The following CPE variants were observed in gnomAD, a reference collection of about 807,000 sequenced individuals.
CPE encodes the protein carboxypeptidase E.
A neutral mutation model predicts 53.5 loss-of-function variants in CPE; 17 were observed. That is an observed-to-expected ratio of 0.32 (90% CI 0.22 to 0.48). The LOEUF is 0.48. CPE is among the 20% of genes least tolerant of loss of function. The pLI is 0.99. For synonymous variants in CPE, 226 were observed against 228.8 expected (o/e 0.99, Z 0.11); for missense variants, 524 against 614.7 (o/e 0.85, Z 1.56).
At chr4:165,381,698 C>T (rs150728614) in intron 1 of CPE, among the ~76,000 whole-genome samples, 225 of 152,126 alleles carry the variant, frequency 1.5e-3, no homozygotes, top group African/African-American at 5.2e-3. Context: ...CTTTTATGAG[C>T]GTCAAGGAGG....
chr4:165,494,727 A>G (rs574039146), intron 7 of CPE, among the ~76,000 whole-genome samples: 2 of 152,346 alleles, frequency 1.3e-5, no homozygotes, highest in African/African-American at 2.4e-5. Context: ...CAAAAAGACA[A>G]TTGAGGCACT....
intron 6 of CPE, among the ~76,000 whole-genome samples, chr4:165,487,915 A>G (rs1439875950): frequency 6.6e-6 from 1 of 152,168 alleles, no homozygotes; most frequent in Non-Finnish European, 1.5e-5. Flanking sequence ...AAAGTAAGGC[A>G]AGCGAGGCAC....
At chr4:165,464,195 T>C (rs76636163) in intron 1 of CPE, among the ~76,000 whole-genome samples, 195 bp from the exon 2 acceptor site, 4,098 of 152,192 alleles carry the variant, frequency 0.027, 185 homozygotes, top group African/African-American at 0.094. Context: ...GTTCAGTCCA[T>C]AACAGGTGGG....
intron 3 of CPE, among the ~76,000 whole-genome samples, chr4:165,471,667 G>T (rs1732208879): frequency 6.6e-6 from 1 of 152,196 alleles, no homozygotes; most frequent in Admixed American, 6.5e-5. Flanking sequence ...ATACCTGTAT[G>T]AATTGGGTAA....
intron 1 of CPE, among the ~76,000 whole-genome samples, chr4:165,397,215 C>T (rs1730782559): frequency 6.6e-6 from 1 of 152,088 alleles, no homozygotes; most frequent in Non-Finnish European, 1.5e-5. Flanking sequence ...TATGAATGTA[C>T]TATATATTAT....
intron 1 of CPE, chr4:165,406,257 C>T (rs2126664870): frequency 1.6e-6 from 1 of 642,746 alleles, no homozygotes; most frequent in African/African-American, 1.8e-5. Context: ...AGCAAAGGAC[C>T]CTGTAAAATT....
chr4:165,420,277 T>A lies in CPE; in HGVS notation c.307+40749T>A, dbSNP rs183063021. ...TATAAATCTGAGAAAAAGTGAATGTTTTATAACTTTTGTTTCTCAGAAAAT... is the reference window on the plus strand; with the variant it reads ...TATAAATCTGAGAAAAAGTGAATGTATTATAACTTTTGTTTCTCAGAAAAT... On this transcript the variant is annotated intron_variant, in intron 1 of 8. Coordinates refer to ENST00000402744, the MANE Select transcript of CPE (RefSeq NM_001873.4). 5.3e-5 allele frequency among the ~76,000 whole-genome samples: 8 copies of A among 152,294 alleles called. No homozygotes were observed. In the East Asian group the frequency reaches 1.5e-3, roughly 29 times the overall value.
At chr4:165,458,540 A>T (rs2126696559) in intron 1 of CPE, among the ~76,000 whole-genome samples, 1 of 152,336 alleles carries the variant, frequency 6.6e-6, no homozygotes, top group East Asian at 1.9e-4. Flanking sequence ...AGATGGGAGA[A>T]TTCTGTTACT....
intron 8 of CPE, among the ~76,000 whole-genome samples, chr4:165,497,234 A>G (rs766671587): frequency 1.3e-5 from 2 of 152,152 alleles, no homozygotes; most frequent in Non-Finnish European, 2.9e-5. Flanking sequence ...ACATCTTTTT[A>G]TGAGGAGAAG....
chr4:165,458,678 T>C (rs1357156727), intron 1 of CPE, among the ~76,000 whole-genome samples: 3 of 152,222 alleles, frequency 2.0e-5, no homozygotes, highest in Non-Finnish European at 4.4e-5. Flanking sequence ...CATTTCCTGT[T>C]GGATATTTTC....
At chr4:165,443,208 T>C (rs192564805) in intron 1 of CPE, among the ~76,000 whole-genome samples, 5 of 152,312 alleles carry the variant, frequency 3.3e-5, no homozygotes, top group Admixed American at 2.0e-4. Context: ...CAGCACAGCA[T>C]AGGGCAAATG....
chr4:165,458,235 T>A, intron 1 of CPE, among the ~76,000 whole-genome samples: 1 of 152,224 alleles, frequency 6.6e-6, no homozygotes, highest in South Asian at 2.1e-4. Context: ...TATAGCCACT[T>A]GTTTGTCAAT....
chr4:165,434,240 C>T (rs114315644), intron 1 of CPE, among the ~76,000 whole-genome samples: 1,716 of 152,132 alleles, frequency 0.011, 29 homozygotes, highest in African/African-American at 0.039. Context: ...TTTTCAACTC[C>T]GAATTCTCAA....
At chr4:165,442,893 A>G (rs1222225995) in intron 1 of CPE, among the ~76,000 whole-genome samples, 1 of 152,230 alleles carries the variant, frequency 6.6e-6, no homozygotes, top group Non-Finnish European at 1.5e-5. Context: ...AAGAACAGTG[A>G]AAATTTACAG....
chr4:165,435,703 C>T (rs1252295757), intron 1 of CPE, among the ~76,000 whole-genome samples: 2 of 145,878 alleles, frequency 1.4e-5, no homozygotes, highest in African/African-American at 2.6e-5. Flanking sequence ...TATAATAATA[C>T]GTGTGCTGAC....
At chr4:165,484,316 A>G in intron 4 of CPE, 106 bp from the exon 5 acceptor site, 1 of 1,055,820 alleles carries the variant, frequency 9.5e-7, no homozygotes, top group South Asian at 1.9e-5. Flanking sequence ...GTAGCTAAAA[A>G]AATACATCAA....
intron 1 of CPE, among the ~76,000 whole-genome samples, chr4:165,382,034 G>A (rs1730511837): frequency 6.6e-6 from 1 of 152,238 alleles, no homozygotes; most frequent in Non-Finnish European, 1.5e-5. Context: ...AGAATTGGGA[G>A]CTTGAAGAAC....
chr4:165,482,440 T>G, intron 4 of CPE, 81 bp downstream of exon 4: 1 of 994,848 alleles, frequency 1.0e-6, no homozygotes, highest in Non-Finnish European at 1.5e-6. Context: ...TCTGTAATTT[T>G]TTTTAAGGAA....
intron 1 of CPE, among the ~76,000 whole-genome samples, chr4:165,424,951 T>A (rs1032670313): frequency 6.6e-6 from 1 of 150,822 alleles, no homozygotes; most frequent in Non-Finnish European, 1.5e-5. Context: ...CTTGGCTCAC[T>A]GCAACCTACA....
Sources: gnomAD v4.1 joint callset for allele counts (sites outside exome capture counted in the v4.1 genomes callset) on GRCh38, gnomAD v4.1.1 for gene constraint, MANE v1.5 for transcripts, NCBI Gene and HGNC (gene_info 2026-07-23, HGNC 2026-07-21) for gene names.